Variants in KCTD16 observed in about 807,000 individuals in gnomAD.
KCTD16 encodes potassium channel tetramerization domain containing 16.
In KCTD16, 13 loss-of-function variants were observed where a neutral mutation model predicts 33.2. The observed-to-expected ratio is 0.39, with a 90% CI of 0.25 to 0.62. The LOEUF (loss-of-function observed/expected upper bound fraction) is 0.62, where lower values mean the gene tolerates loss of function less well. KCTD16 is among the 20% of genes least tolerant of loss of function. The probability of loss-of-function intolerance (pLI) is 0.50; values close to 1 mark genes in which losing one functional copy is unlikely to be tolerated. For missense variants in KCTD16, 441 were observed against 525.1 expected, an observed-to-expected ratio of 0.84 and a Z score of 1.57; for synonymous variants, 197 against 195.3, an observed-to-expected ratio of 1.01 and a Z score of -0.07.
chr5:144,433,154 G>A (rs1272660376), intron 3 of KCTD16, among the ~76,000 whole-genome samples: 2 of 152,180 alleles, frequency 1.3e-5, no homozygotes, highest in Non-Finnish European at 2.9e-5. Context: ...AGAATAGTAA[G>A]TGTAGGAGGT....
rs891863511 is a variant in KCTD16 at position 144,208,409 on chromosome 5, T to C, written c.832+863T>C. Among the ~76,000 whole-genome samples, 4 of 152,346 alleles carry C rather than the reference T, an allele frequency of 2.6e-5. No individual in the cohort carries two copies. In the East Asian group the frequency reaches 7.7e-4, roughly 29 times the overall value. ...GATTCCTCATTTTATGATATGGCATTATTCTAAACTATAAACTGTGAGCCA... is the reference window on the plus strand; with the variant it reads ...GATTCCTCATTTTATGATATGGCATCATTCTAAACTATAAACTGTGAGCCA... On this transcript the variant is annotated intron_variant, in intron 3 of 3. Transcript: ENST00000512467.
intron 3 of KCTD16, among the ~76,000 whole-genome samples, chr5:144,454,917 G>T (rs1394677197): frequency 6.6e-6 from 1 of 152,096 alleles, no homozygotes; most frequent in African/African-American, 2.4e-5. Context: ...TTTGAGGTTG[G>T]TATCTACATG....
intron 2 of KCTD16, among the ~76,000 whole-genome samples, chr5:144,187,880 A>G (rs185306953): frequency 6.6e-6 from 1 of 152,284 alleles, no homozygotes; most frequent in Admixed American, 6.5e-5. Context: ...CAGCTCTTCT[A>G]CTTCAGGCTG....
intron 2 of KCTD16, among the ~76,000 whole-genome samples, chr5:144,184,372 A>G (rs193034295): frequency 2.0e-5 from 3 of 152,286 alleles, no homozygotes; most frequent in Admixed American, 2.0e-4. Flanking sequence ...AGGTTCGTCC[A>G]TGTTAAAGTC....
chr5:144,364,459 G>A (rs994305610), intron 3 of KCTD16, among the ~76,000 whole-genome samples: 2 of 152,164 alleles, frequency 1.3e-5, no homozygotes, highest in East Asian at 1.9e-4. Context: ...AACAACAAGC[G>A]AGCATGACTC....
chr5:144,396,406 A>G lies in KCTD16; in HGVS notation c.833-77254A>G, dbSNP rs1580929792. Among the ~76,000 whole-genome samples the G allele has an allele frequency of 2.0e-5, 3 of 152,192 alleles. No homozygotes were observed. The South Asian group carries it at 6.2e-4, about 32-fold the overall frequency. On this transcript the variant is annotated intron_variant, in intron 3 of 3. Coordinates refer to ENST00000512467, the MANE Select transcript of KCTD16 (RefSeq NM_020768.4). ...CACAAAACTTTGTTCCATTAACCTC[A>G]TTTTGCCTTAGGTCAAAGCTCAGGA...
intron 3 of KCTD16, among the ~76,000 whole-genome samples, chr5:144,278,788 T>C (rs34027908): frequency 0.23 from 35,501 of 152,082 alleles, 4,384 homozygotes; most frequent in Non-Finnish European, 0.28. Context: ...TGAGCCACCG[T>C]GCCTGGCCGT....
intron 3 of KCTD16, among the ~76,000 whole-genome samples, chr5:144,242,234 T>C (rs1267118128): frequency 6.6e-6 from 1 of 152,148 alleles, no homozygotes. Context: ...GGCCATGTAC[T>C]GACATTCTAG....
intron 3 of KCTD16, among the ~76,000 whole-genome samples, chr5:144,317,731 T>A (rs1751959466): frequency 6.6e-6 from 1 of 152,252 alleles, no homozygotes; most frequent in African/African-American, 2.4e-5. Context: ...CCCTCCTGGA[T>A]GGCTTATCTC....
intron 3 of KCTD16, among the ~76,000 whole-genome samples, chr5:144,356,102 G>A (rs1004666431): frequency 6.6e-6 from 1 of 152,028 alleles, no homozygotes; most frequent in Non-Finnish European, 1.5e-5. Flanking sequence ...GTTAAGCCAG[G>A]GCCATGTTTT....
intron 3 of KCTD16, among the ~76,000 whole-genome samples, chr5:144,446,815 A>C (rs961035677): frequency 5.3e-5 from 8 of 152,228 alleles, no homozygotes; most frequent in African/African-American, 1.9e-4. Flanking sequence ...AAAGCTCATC[A>C]TCACTGGTCA....
chr5:144,424,259 G>A lies in KCTD16; in HGVS notation c.833-49401G>A, dbSNP rs184494011. On this transcript the variant is annotated intron_variant, in intron 3 of 3. Coordinates refer to ENST00000512467, the MANE Select transcript of KCTD16 (RefSeq NM_020768.4). ...TGGTCTAAGAAGCTTCTAAGTGGCCGGTGAAACATAATTGGGTTAATTTCC... is the reference window on the plus strand; with the variant it reads ...TGGTCTAAGAAGCTTCTAAGTGGCCAGTGAAACATAATTGGGTTAATTTCC... Among the ~76,000 whole-genome samples the A allele has an allele frequency of 7.9e-5, 12 of 152,244 alleles. No individual in the cohort carries two copies. The East Asian group carries it at 1.9e-3, about 25-fold the overall frequency.
At chr5:144,257,733 T>C (rs930371459) in intron 3 of KCTD16, among the ~76,000 whole-genome samples, 2 of 152,110 alleles carry the variant, frequency 1.3e-5, no homozygotes, top group African/African-American at 2.4e-5. Flanking sequence ...GTGATCCGCC[T>C]GCCTCAGCCT....
At chr5:144,323,890 T>C (rs1397245592) in intron 3 of KCTD16, among the ~76,000 whole-genome samples, 1 of 152,180 alleles carries the variant, frequency 6.6e-6, no homozygotes, top group Non-Finnish European at 1.5e-5. Flanking sequence ...GAATTCAAGA[T>C]GTAGGAGCTG....
chr5:144,289,692 C>T (rs4912968), intron 3 of KCTD16, among the ~76,000 whole-genome samples: 6 of 151,940 alleles, frequency 3.9e-5, no homozygotes, highest in Non-Finnish European at 8.8e-5. Flanking sequence ...CACAACCAAA[C>T]GAAAGCTGAA....
intron 3 of KCTD16, among the ~76,000 whole-genome samples, chr5:144,245,364 T>G (rs916483644): frequency 2.6e-5 from 4 of 152,124 alleles, no homozygotes; most frequent in African/African-American, 9.7e-5. Flanking sequence ...AAGGAAAACA[T>G]CCGCAAGGAA....
intron 3 of KCTD16, among the ~76,000 whole-genome samples, chr5:144,438,266 T>C (rs2126974701): frequency 6.6e-6 from 1 of 152,332 alleles, no homozygotes; most frequent in South Asian, 2.1e-4. Flanking sequence ...GATATTTTCA[T>C]TTTTAATTGA....
intron 2 of KCTD16, among the ~76,000 whole-genome samples, chr5:144,179,388 C>G (rs191868604): frequency 6.6e-6 from 1 of 152,212 alleles, no homozygotes. Flanking sequence ...AACTCATCCT[C>G]TAGATACTGT....
chr5:144,303,483 G>C (rs1427904402), intron 3 of KCTD16, among the ~76,000 whole-genome samples: 2 of 152,174 alleles, frequency 1.3e-5, no homozygotes, highest in Non-Finnish European at 2.9e-5. Flanking sequence ...CTTGGCTTTT[G>C]TGTGGCAAGA....
Sources: gnomAD v4.1 joint callset for allele counts (sites outside exome capture counted in the v4.1 genomes callset) on GRCh38, gnomAD v4.1.1 for gene constraint, MANE v1.5 for transcripts, NCBI Gene and HGNC (gene_info 2026-07-23, HGNC 2026-07-21) for gene names.